The following RANBP2 variants were observed in gnomAD, a reference collection of about 807,000 sequenced individuals.
The protein encoded by RANBP2 is E3 SUMO-protein ligase RanBP2.
Under a neutral mutation model 303.6 loss-of-function variants are expected in RANBP2, and 57 were observed. That is an observed-to-expected ratio of 0.19 (90% CI 0.15 to 0.23). RANBP2 has a LOEUF of 0.23. Ranked by LOEUF, RANBP2 falls within the 10% of genes least tolerant of loss-of-function variation. RANBP2 has a pLI of 1.00. For synonymous variants in RANBP2, 1,167 were observed against 1,301.5 expected, an observed-to-expected ratio of 0.90 and a Z score of 2.23; for missense variants, 3,138 against 3,780.8, an observed-to-expected ratio of 0.83 and a Z score of 4.46.
At chr2:109,022,125 C>T in the RANBP2 span, among the ~76,000 whole-genome samples, 1 of 152,232 alleles carries the variant, frequency 6.6e-6, no homozygotes, top group South Asian at 2.1e-4. Context: ...ACCTAGGGTG[C>T]GCCACACCGT....
chr2:109,060,454 A>C, the RANBP2 span, among the ~76,000 whole-genome samples: 1 of 152,092 alleles, frequency 6.6e-6, no homozygotes, highest in Non-Finnish European at 1.5e-5. Flanking sequence ...CATTTTACTA[A>C]ACTGGGGAGG....
the RANBP2 span, among the ~76,000 whole-genome samples, chr2:109,553,853 CAAAA>C: frequency 9.5e-6 from 1 of 105,530 alleles, no homozygotes; most frequent in South Asian, 3.0e-4. Flanking sequence ...GACTCTGTCT[CAAAA>C]AAAAAAAAAA....
chr2:108,755,989 G>A (rs927266706), intron 17 of RANBP2, among the ~76,000 whole-genome samples: 2 of 152,302 alleles, frequency 1.3e-5, no homozygotes, highest in African/African-American at 2.4e-5. Flanking sequence ...CTCCCAAAGT[G>A]CTGGGATTAC....
chr2:109,424,695 A>G, the RANBP2 span, among the ~76,000 whole-genome samples: 2 of 152,336 alleles, frequency 1.3e-5, no homozygotes, highest in South Asian at 2.1e-4. Flanking sequence ...CCATGCCCAC[A>G]TAAGACAGCG....
chr2:108,992,880 C>G, the RANBP2 span, among the ~76,000 whole-genome samples: 1 of 152,150 alleles, frequency 6.6e-6, no homozygotes, highest in Admixed American at 6.5e-5. Context: ...TCCTAAAATG[C>G]GTTTGTCCCC....
chr2:108,900,926 GAT>G, the RANBP2 span, among the ~76,000 whole-genome samples: 1 of 151,822 alleles, frequency 6.6e-6, no homozygotes, highest in Non-Finnish European at 1.5e-5. Context: ...TGAAAGAAGA[GAT>G]AAGTCCACAA....
At chr2:109,055,454 A>T in the RANBP2 span, among the ~76,000 whole-genome samples, 1 of 150,234 alleles carries the variant, frequency 6.7e-6, no homozygotes, top group Non-Finnish European at 1.5e-5. Flanking sequence ...TTCCGCCTCC[A>T]GAATTCAAGC....
chr2:109,449,048 AC>A, the RANBP2 span: 2 of 1,195,524 alleles, frequency 1.7e-6, no homozygotes, highest in Non-Finnish European at 2.3e-6. Context: ...GTCTGGAGAA[AC>A]TTCAGAGAGA....
the RANBP2 span, among the ~76,000 whole-genome samples, chr2:109,007,285 G>T: frequency 6.6e-6 from 1 of 152,214 alleles, no homozygotes; most frequent in Non-Finnish European, 1.5e-5. Flanking sequence ...CCACCAGCTA[G>T]CTCTCTTTCT....
the RANBP2 span, among the ~76,000 whole-genome samples, chr2:109,073,884 T>C: frequency 6.6e-6 from 1 of 150,480 alleles, no homozygotes; most frequent in Non-Finnish European, 1.5e-5. Context: ...TATAAATATA[T>C]GTTATGTAAG....
At chr2:108,812,163 G>A in the RANBP2 span, among the ~76,000 whole-genome samples, 2 of 152,034 alleles carry the variant, frequency 1.3e-5, no homozygotes, top group Non-Finnish European at 2.9e-5. Context: ...TCATGGATAG[G>A]AAGACTCAAT....
the RANBP2 span, among the ~76,000 whole-genome samples, chr2:108,996,575 C>G: frequency 6.6e-6 from 1 of 152,206 alleles, no homozygotes; most frequent in African/African-American, 2.4e-5. Flanking sequence ...GATTCACTGA[C>G]TGGGAGAGAG....
the RANBP2 span, among the ~76,000 whole-genome samples, chr2:109,030,067 C>A: frequency 6.6e-6 from 1 of 152,206 alleles, no homozygotes; most frequent in Non-Finnish European, 1.5e-5. Flanking sequence ...TGACATCATT[C>A]TTTAGAAAGA....
the RANBP2 span, among the ~76,000 whole-genome samples, chr2:109,692,285 C>G: frequency 6.8e-6 from 1 of 147,386 alleles, no homozygotes; most frequent in South Asian, 2.1e-4. Context: ...GGGGCTGCCT[C>G]AGGCTGGGGG....
the RANBP2 span, chr2:109,129,928 A>C: frequency 4.7e-6 from 7 of 1,487,360 alleles, no homozygotes; most frequent in Non-Finnish European, 6.2e-6. Flanking sequence ...CGCGGGCACC[A>C]GCCCCGGCGG....
At chr2:109,296,124 C>T in the RANBP2 span, among the ~76,000 whole-genome samples, 6 of 152,128 alleles carry the variant, frequency 3.9e-5, no homozygotes, top group Non-Finnish European at 8.8e-5. Context: ...CTGTTCTCTA[C>T]GTCTGTGCGC....
chr2:109,037,768 C>T, the RANBP2 span, among the ~76,000 whole-genome samples: 21 of 152,202 alleles, frequency 1.4e-4, no homozygotes, highest in Middle Eastern at 0.01. Flanking sequence ...AACATTTGCA[C>T]GCTAAAATTA....
At chr2:109,332,753 G>A in the RANBP2 span, among the ~76,000 whole-genome samples, 9 of 152,326 alleles carry the variant, frequency 5.9e-5, no homozygotes, top group African/African-American at 2.2e-4. Context: ...CGCCCCCAGG[G>A]TTAGTGTGTG....
chr2:109,622,275 C>T, the RANBP2 span, among the ~76,000 whole-genome samples: 2 of 152,290 alleles, frequency 1.3e-5, no homozygotes, highest in African/African-American at 4.8e-5. Flanking sequence ...TGTGCTCAGG[C>T]AGACTGGCTC....
Sources: gnomAD v4.1 joint callset for allele counts (sites outside exome capture counted in the v4.1 genomes callset) on GRCh38, gnomAD v4.1.1 for gene constraint, MANE v1.5 for transcripts, NCBI Gene and HGNC (gene_info 2026-07-23, HGNC 2026-07-21) for gene names.